Variants in SPOP observed in about 807,000 individuals in gnomAD.
The protein encoded by SPOP is speckle-type POZ protein.
In SPOP, 11 loss-of-function variants were observed where a neutral mutation model predicts 45.6. That is an observed-to-expected ratio of 0.24 (90% CI 0.15 to 0.40). The LOEUF is 0.40. SPOP is among the 10% of genes least tolerant of loss of function. The pLI is 1.00. For missense variants in SPOP, 152 were observed against 465.6 expected (o/e 0.33, Z 6.20); for synonymous variants, 166 against 166.3 (o/e 1.00, Z 0.01).
rs1375368440 is a variant in SPOP at position 49,619,568 on chromosome 17, T to C, written c.201-183A>G. On this transcript the variant is annotated intron_variant, in intron 3 of 9. Transcript: ENST00000504102. The surrounding 1 kb of genome is among the most constrained non-coding windows in gnomAD (Gnocchi z 4.9). ...TTTTTTTTGAGACATGGTCTTACTC[T>C]ATCGTCCAGGCTGGAGTGCAGTGGT... Among the ~76,000 whole-genome samples the C allele has an allele frequency of 6.6e-6, 1 of 152,146 alleles. No individual in the cohort carries two copies. Among genetic ancestry groups the C allele is most frequent in the African/African-American group, 2.4e-5 (1 of 41,434 alleles).
intron 1 of SPOP, among the ~76,000 whole-genome samples, chr17:49,629,709 T>C (rs990767701): frequency 1.3e-5 from 2 of 152,220 alleles, no homozygotes; most frequent in African/African-American, 4.8e-5. Flanking sequence ...CACAGACAGC[T>C]TGTGCAGTCA....
intron 8 of SPOP, among the ~76,000 whole-genome samples, chr17:49,605,501 C>G (rs2071821756): frequency 6.6e-6 from 1 of 151,772 alleles, no homozygotes; most frequent in African/African-American, 2.4e-5. Context: ...AGCAGCCTGG[C>G]CAACATGGTG....
At chr17:49,636,790 T>C (rs1012569201) in intron 1 of SPOP, 2 of 152,182 alleles carry the variant, frequency 1.3e-5, no homozygotes, top group African/African-American at 4.8e-5. Context: ...CTCTAATTTG[T>C]CTTGTCTAAC....
chr17:49,655,317 CT>C (rs1469949688), intron 1 of SPOP, among the ~76,000 whole-genome samples: 1 of 152,082 alleles, frequency 6.6e-6, no homozygotes, highest in African/African-American at 2.4e-5. Context: ...CGAGACCATC[CT>C]GGCTAACACG....
At chr17:49,616,989 C>T (rs931827003) in intron 5 of SPOP, among the ~76,000 whole-genome samples, 3 of 152,160 alleles carry the variant, frequency 2.0e-5, no homozygotes, top group Non-Finnish European at 4.4e-5. Flanking sequence ...AACTTGGCCT[C>T]GGATTTAACC....
At chr17:49,622,973 C>A (rs1449640072) in intron 1 of SPOP, 97 bp from the exon 2 acceptor site, 2 of 608,680 alleles carry the variant, frequency 3.3e-6, no homozygotes, top group African/African-American at 1.9e-5. Context: ...TTTGTCTCCA[C>A]ATTGTTTGAG....
intron 1 of SPOP, among the ~76,000 whole-genome samples, chr17:49,668,421 C>G (rs992301164): frequency 3.3e-5 from 5 of 151,968 alleles, no homozygotes; most frequent in African/African-American, 1.2e-4. Flanking sequence ...AAAAAACATA[C>G]TAAGCAAAAA....
chr17:49,663,025 G>C (rs2073008979), intron 1 of SPOP, among the ~76,000 whole-genome samples: 1 of 152,196 alleles, frequency 6.6e-6, no homozygotes, highest in African/African-American at 2.4e-5. Context: ...GTTGATATTT[G>C]TGCTGATAGT....
At chr17:49,649,374 T>C (rs961555678) in intron 1 of SPOP, among the ~76,000 whole-genome samples, 1 of 151,246 alleles carries the variant, frequency 6.6e-6, no homozygotes, top group Non-Finnish European at 1.5e-5. Flanking sequence ...CCGTCTCTAC[T>C]AAAAACACAA....
At chr17:49,606,424 G>T (rs2071846615) in intron 8 of SPOP, among the ~76,000 whole-genome samples, 1 of 151,138 alleles carries the variant, frequency 6.6e-6, no homozygotes, top group Non-Finnish European at 1.5e-5. Context: ...CCCAAGTGCT[G>T]GGATTATAGG....
intron 1 of SPOP, among the ~76,000 whole-genome samples, chr17:49,634,444 A>C (rs900250057): frequency 3.9e-5 from 6 of 152,260 alleles, no homozygotes; most frequent in Non-Finnish European, 8.8e-5. Flanking sequence ...CCCTATGGTA[A>C]GAAGATTCCA....
chr17:49,648,851 G>A (rs1037761624), intron 1 of SPOP, among the ~76,000 whole-genome samples: 2 of 152,042 alleles, frequency 1.3e-5, no homozygotes, highest in East Asian at 1.9e-4. Flanking sequence ...TCCGCCTCCC[G>A]GGTTCATGCC....
intron 1 of SPOP, among the ~76,000 whole-genome samples, chr17:49,668,749 A>G (rs2073095590): frequency 6.6e-6 from 1 of 151,506 alleles, no homozygotes; most frequent in Non-Finnish European, 1.5e-5. Flanking sequence ...ATATATAGAC[A>G]TATATACACT....
chr17:49,599,518 G>GT lies in SPOP; in HGVS notation c.*859dup, dbSNP rs11372331. The GT allele has an allele frequency of 0.013, 1,831 of 137,132 alleles. 43 individuals are homozygous for GT. Among genetic ancestry groups the GT allele is most frequent in the African/African-American group, 0.05 (1,648 of 33,014 alleles). 8.5% of individuals were successfully genotyped at this position (137,132 alleles called of 1,614,324 possible). On this transcript the variant is annotated 3_prime_UTR_variant, in exon 10 of 10. Transcript: ENST00000504102. ...TTTTGTTTTGTGTGTTTTTTTTTTT[G>GT]TTTGTTTTTTAGAAAAAGGGGTGGG...
intron 1 of SPOP, among the ~76,000 whole-genome samples, chr17:49,639,747 G>A (rs942292245): frequency 2.0e-5 from 3 of 152,046 alleles, no homozygotes; most frequent in African/African-American, 7.2e-5. Context: ...AGAAAAATAA[G>A]GATATGATTA....
intron 1 of SPOP, among the ~76,000 whole-genome samples, chr17:49,668,798 G>T (rs1419706427): frequency 1.4e-5 from 2 of 147,176 alleles, no homozygotes; most frequent in Non-Finnish European, 3.0e-5. Context: ...TTTTGAGACG[G>T]AGTCTCTCAC....
At chr17:49,678,156 T>C (rs1168759001), upstream of SPOP, 4 of 391,086 alleles carry the variant, frequency 1.0e-5, no homozygotes, top group Non-Finnish European at 1.8e-5. Context: ...CCGCGCGGCC[T>C]CCTCCCCATT....
rs1033236304 is a variant in SPOP, at chr17:49,641,575, G to GA, written c.-66-18700dup. Among the ~76,000 whole-genome samples, 873 of 122,714 alleles carry GA rather than the reference G, an allele frequency of 7.1e-3. 5 individuals carry two copies. Among genetic ancestry groups the GA allele is most frequent in the African/African-American group, 0.018 (587 of 33,424 alleles). 80.5% of individuals were successfully genotyped at this position (122,714 alleles called of 152,430 possible). A position where few individuals can be genotyped will look rare whatever the true frequency, so the allele number is the denominator to read the frequency against. The stretch of plus-strand genomic sequence containing the variant: ...AGTAACTCTATAGCACAAAAAAAAA[G>GA]AAAAAAAAAAAACCCAGAATGTTTC... On this transcript the variant is annotated intron_variant, in intron 1 of 9. Transcript: ENST00000504102.
intron 1 of SPOP, among the ~76,000 whole-genome samples, chr17:49,626,403 A>G (rs1002996549): frequency 2.0e-5 from 3 of 152,292 alleles, no homozygotes; most frequent in Non-Finnish European, 2.9e-5. Flanking sequence ...AGGTATAACA[A>G]GTAACAACAG....
Sources: gnomAD v4.1 joint callset for allele counts (sites outside exome capture counted in the v4.1 genomes callset) on GRCh38, gnomAD v4.1.1 for gene constraint, Gnocchi (gnomAD v3.1) non-coding constraint, MANE v1.5 for transcripts, NCBI Gene and HGNC (gene_info 2026-07-23, HGNC 2026-07-21) for gene names.